Variants in TMED6 observed in about 807,000 individuals in gnomAD.
TMED6 encodes transmembrane p24 trafficking protein 6.
A neutral mutation model predicts 26.5 loss-of-function variants in TMED6; 17 were observed. The observed-to-expected ratio is 0.64, with a 90% CI of 0.44 to 0.96. TMED6 has a LOEUF of 0.96. Ranked by LOEUF, TMED6 falls within the 40% of genes least tolerant of loss-of-function variation. The pLI, the probability that TMED6 is intolerant of heterozygous loss-of-function variation, is 0.00. For missense variants in TMED6, 309 were observed against 296.5 expected (o/e 1.04, Z -0.31); for synonymous variants, 107 against 106.2 (o/e 1.01, Z -0.04).
At chr16:69,346,549 A>C (rs548669174) in intron 3 of TMED6, among the ~76,000 whole-genome samples, 4 of 152,256 alleles carry the variant, frequency 2.6e-5, no homozygotes, top group African/African-American at 9.6e-5. Flanking sequence ...CAATCACCTG[A>C]GGTCAGGAAT....
chr16:69,345,273 T>A (rs1456346559), intron 3 of TMED6, among the ~76,000 whole-genome samples: 1 of 144,812 alleles, frequency 6.9e-6, no homozygotes, highest in East Asian at 2.1e-4. Flanking sequence ...TGAAACTCCG[T>A]CTCAAAAAAG....
intron 3 of TMED6, among the ~76,000 whole-genome samples, chr16:69,345,745 G>T (rs1218536379): frequency 2.7e-5 from 4 of 150,480 alleles, no homozygotes; most frequent in African/African-American, 7.4e-5. Flanking sequence ...TTGAGATAGG[G>T]TCTCACTGTC....
chr16:69,349,238 C>G (rs972580974), intron 2 of TMED6, among the ~76,000 whole-genome samples: 1 of 152,202 alleles, frequency 6.6e-6, no homozygotes, highest in African/African-American at 2.4e-5. Context: ...AAATGGGTCT[C>G]TGTTTTTTGG....
intron 2 of TMED6, among the ~76,000 whole-genome samples, chr16:69,348,820 G>A (rs1030932249): frequency 8.6e-5 from 13 of 152,046 alleles, no homozygotes; most frequent in African/African-American, 3.1e-4. Context: ...TCACCATATT[G>A]GTCAGGCTGG....
chr16:69,351,517 C>A (rs1242548095), intron 1 of TMED6, 24 bp downstream of exon 1: 1 of 1,609,704 alleles, frequency 6.2e-7, no homozygotes, highest in East Asian at 2.2e-5. Context: ...AAAAGCCCCC[C>A]AGTATGGCCA....
Position 69,343,630 on chromosome 16 carries a change from T to C in TMED6, c.500A>G (p.Gln167Arg), listed in dbSNP as rs1456033597. Residue 167 changes from glutamine (Q) to arginine (R), a missense_variant, in exon 4 of 4, where the codon CAA becomes CGA. Coordinates refer to ENST00000288025, the MANE Select transcript of TMED6 (RefSeq NM_144676.4). ...GTGAAAGATATTGTTCTGCACCTTT[T>C]GTGTGCCGTCCTATGAGAGAGACAA... Reference protein sequence around the residue: ...DTLDAIEDGTQKVQNNIFHMW... With the variant: ...DTLDAIEDGTRKVQNNIFHMW... 2 of 1,613,334 alleles carry C rather than the reference T, an allele frequency of 1.2e-6. No homozygotes were observed. The highest frequency in any genetic ancestry group is 1.7e-6 in the Non-Finnish European group (2 of 1,179,378).
chr16:69,347,243 C>T (rs1452550926), intron 3 of TMED6, among the ~76,000 whole-genome samples: 1 of 152,082 alleles, frequency 6.6e-6, no homozygotes, highest in Non-Finnish European at 1.5e-5. Context: ...AGATGGTGTA[C>T]GGTGTATGAA....
Position 69,351,652 on chromosome 16 carries a change from T to G in TMED6, c.102A>C (p.Pro34=). The G allele has an allele frequency of 1.3e-5, 21 of 1,613,590 alleles. No homozygotes were observed. The highest frequency in any genetic ancestry group is 1.8e-5 in the Non-Finnish European group (21 of 1,179,948). The change falls in exon 1 of 4, where the codon CCA becomes CCC. Residue 34 remains proline, a synonymous_variant. Transcript: ENST00000288025. ...TEPLSGSGDQ[P]LFRGADRYDF... is the part of the protein sequence containing the mutation. The stretch of plus-strand genomic sequence containing the variant: ...CATATCGATCAGCTCCACGGAAGAG[T>G]GGCTGGTCCCCAGAGCCACTTAGAG...
Position 69,349,531 on chromosome 16 carries a change from C to G in TMED6, c.334G>C (p.Glu112Gln). 6.2e-7 allele frequency: 1 copy of G among 1,613,646 alleles called. No individual in the cohort carries two copies. Among genetic ancestry groups the G allele is most frequent in the Non-Finnish European group, 8.5e-7 (1 of 1,179,754 alleles). ...CATGGTAATGAAAACAGACCTGTCT[C>G]TTGGGTAGAGAAGTTAATCTGGCCC... ...VRGQINFSTQETGFYQLCLSN... is the reference protein window; with the variant it reads ...VRGQINFSTQQTGFYQLCLSN... Residue 112 changes from glutamate to glutamine, a missense_variant, in exon 2 of 4, where the codon GAG (glutamate) becomes CAG (glutamine). By Grantham distance (29) the Glu-to-Gln change is conservative. Coordinates refer to ENST00000288025, the MANE Select transcript of TMED6 (RefSeq NM_144676.4).
chr16:69,345,880 C>A (rs942887212), intron 3 of TMED6, among the ~76,000 whole-genome samples: 1 of 151,954 alleles, frequency 6.6e-6, no homozygotes, highest in African/African-American at 2.4e-5. Flanking sequence ...CAGGGTCTTA[C>A]CATGTTTCCC....
chr16:69,347,347 A>G (rs2012702044), intron 3 of TMED6, among the ~76,000 whole-genome samples: 1 of 152,208 alleles, frequency 6.6e-6, no homozygotes. Flanking sequence ...ACGAAGATGG[A>G]ATTTCAAGAG....
chr16:69,343,666 G>A (rs752317332), intron 3 of TMED6, 26 bp from the exon 4 acceptor site: 7 of 1,599,310 alleles, frequency 4.4e-6, no homozygotes, highest in Non-Finnish European at 5.1e-6. Flanking sequence ...TTTTAAGGGG[G>A]ATTCTTCCAA....
At chr16:69,349,238 C>T (rs972580974) in intron 2 of TMED6, among the ~76,000 whole-genome samples, 2 of 152,202 alleles carry the variant, frequency 1.3e-5, no homozygotes, top group Admixed American at 6.5e-5. Context: ...AAATGGGTCT[C>T]TGTTTTTTGG....
chr16:69,343,864 G>A (rs1290716597), intron 3 of TMED6, among the ~76,000 whole-genome samples: 1 of 152,184 alleles, frequency 6.6e-6, no homozygotes, highest in Non-Finnish European at 1.5e-5. Context: ...GGTCTCACTT[G>A]TTTGCCCAGG....
intron 3 of TMED6, among the ~76,000 whole-genome samples, chr16:69,345,071 A>G (rs528881582): frequency 6.6e-6 from 1 of 152,198 alleles, no homozygotes; most frequent in African/African-American, 2.4e-5. Flanking sequence ...CCTAGGTGAC[A>G]AAGCGAGACT....
At chr16:69,347,702 G>A in intron 3 of TMED6, 86 bp downstream of exon 3, 1 of 1,552,362 alleles carries the variant, frequency 6.4e-7, no homozygotes, top group Non-Finnish European at 8.8e-7. Context: ...TTGCCTGTTT[G>A]GTTTCTACCT....
Position 69,343,359 on chromosome 16 carries a change from C to A in TMED6, c.*48G>T, listed in dbSNP as rs369380751. The A allele has an allele frequency of 6.7e-7, 1 of 1,503,720 alleles. No individual in the cohort carries two copies. The highest frequency in any genetic ancestry group is 2.3e-5 in the East Asian group (1 of 42,800). 93.1% of individuals were successfully genotyped at this position (1,503,720 alleles called of 1,614,324 possible). ...GTCCCATAACATTACAAAGCTGATTCGACTAAGCCCCAGAAGAAAACAGCC... is the reference window on the plus strand; with the variant it reads ...GTCCCATAACATTACAAAGCTGATTAGACTAAGCCCCAGAAGAAAACAGCC... On this transcript the variant is annotated 3_prime_UTR_variant, in exon 4 of 4. Transcript: ENST00000288025.
At chr16:69,350,341 G>T (rs535560017) in intron 1 of TMED6, among the ~76,000 whole-genome samples, 49 of 149,606 alleles carry the variant, frequency 3.3e-4, no homozygotes, top group African/African-American at 1.2e-3. Flanking sequence ...GTCTTGCTCT[G>T]TCACCCAGGC....
intron 1 of TMED6, among the ~76,000 whole-genome samples, chr16:69,350,141 G>A (rs1172205): frequency 1.3e-5 from 2 of 151,536 alleles, no homozygotes; most frequent in Admixed American, 6.6e-5. Flanking sequence ...GCATGGTGGC[G>A]TGCGCCTATA....
Sources: gnomAD v4.1 joint callset for allele counts (sites outside exome capture counted in the v4.1 genomes callset) on GRCh38, gnomAD v4.1.1 for gene constraint, MANE v1.5 for transcripts, NCBI Gene and HGNC (gene_info 2026-07-23, HGNC 2026-07-21) for gene names.